The following FSIP2 variants were observed in gnomAD, a reference collection of about 807,000 sequenced individuals.
FSIP2 encodes fibrous sheath interacting protein 2, also known as fibrous sheath-interacting protein 2.
Under a neutral mutation model 510.5 loss-of-function variants are expected in FSIP2, and 367 were observed. The ratio of observed to expected loss-of-function variants is 0.72; its 90% confidence interval spans 0.66 to 0.78. FSIP2 has a LOEUF of 0.78. Among genes scored for constraint, FSIP2 ranks in the 30% least tolerant of loss-of-function variants. FSIP2 has a pLI of 0.00. For synonymous variants in FSIP2, 2,601 were observed against 2,732.2 expected (o/e 0.95, Z 1.50); for missense variants, 7,594 against 7,901.7 (o/e 0.96, Z 1.48).
In FSIP2 at chr2:185,808,339, G is replaced by A. The variant is rs1384970355; in HGVS notation, c.19033G>A (p.Ala6345Thr). The change falls in exon 17 of 23, where the codon GCC becomes ACC. Residue 6345 changes from alanine to threonine, a missense_variant. Ala to Thr is a moderately conservative substitution (Grantham distance 58, BLOSUM62 0). Transcript: ENST00000424728. The stretch of plus-strand genomic sequence containing the variant: ...ATCCAGAAAAGGTTTGACATTAGAT[G>A]CCAAACTTTTAGAAGAGGTGTTGGC... The part of the protein sequence containing the change: ...SSSRKGLTLD[A>T]KLLEEVLALF... 1.2e-6 allele frequency: 2 copies of A among 1,610,808 alleles called. No homozygotes were observed. The highest frequency in any genetic ancestry group is 2.7e-5 in the African/African-American group (2 of 74,880).
chr2:185,796,665 G>C lies in FSIP2; in HGVS notation c.9529G>C (p.Gly3177Arg). ...ATCAAAGTTAAAGGAAGGTAGTTTG[G>C]GGATTAATCCTTCACAAGTGAGTAA... is the stretch of plus-strand genomic sequence containing the variant. ...FTSKLKEGSL[G>R]INPSQVSKTG... is the part of the protein sequence containing the mutation. Residue 3177 changes from glycine (G) to arginine (R), a missense_variant, in exon 16 of 23, where the codon GGG becomes CGG. By Grantham distance (125) the Gly-to-Arg change is moderately radical. Coordinates refer to ENST00000424728, the MANE Select transcript of FSIP2 (RefSeq NM_173651.4). The C allele has an allele frequency of 6.5e-7, 1 of 1,535,044 alleles. No homozygotes were observed. Among genetic ancestry groups the C allele is most frequent in the Non-Finnish European group, 8.7e-7 (1 of 1,146,254 alleles).
chr2:185,739,124 C>A, intron 1 of FSIP2, 131 bp downstream of exon 1: 1 of 1,272,546 alleles, frequency 7.9e-7, no homozygotes, highest in Non-Finnish European at 1.0e-6. Context: ...CCTCTTGCGG[C>A]GCCCGGGGGC....
chr2:185,748,391 CTT>C (rs1356528444), intron 7 of FSIP2, among the ~76,000 whole-genome samples: 1 of 151,828 alleles, frequency 6.6e-6, no homozygotes, highest in African/African-American at 2.4e-5. Context: ...ATTCTCCCAC[CTT>C]GTCCTCCTGA....
intron 13 of FSIP2, among the ~76,000 whole-genome samples, chr2:185,781,144 G>A (rs912569258): frequency 1.3e-5 from 2 of 149,882 alleles, no homozygotes; most frequent in Non-Finnish European, 3.0e-5. Context: ...TACAGTGGTT[G>A]GACTTATGAT....
intron 19 of FSIP2, among the ~76,000 whole-genome samples, chr2:185,815,873 T>G (rs1238842299): frequency 6.6e-6 from 1 of 152,066 alleles, no homozygotes; most frequent in East Asian, 2.0e-4. Flanking sequence ...TCCAAAGGAA[T>G]GAGAAAGAAA....
At position 185,807,184 on chromosome 2, in the gene FSIP2, CGT is replaced by C. The variant is rs1693603101; in HGVS notation, c.17879_17880del (p.Arg5960ProfsTer3). 1 of 1,601,246 alleles carries C rather than the reference CGT, an allele frequency of 6.2e-7. No individual in the cohort carries two copies. The highest frequency in any genetic ancestry group is 1.1e-5 in the South Asian group (1 of 88,244). ...TGCAGTGATAAATGAAATTTTCCAA[CGT>C]CAGGTTAACTTGATATTTTGTGATG... ...TSAVINEIFQ[R>X]QVNLIFCDEV... On this transcript the variant is annotated frameshift_variant, in exon 17 of 23. Transcript: ENST00000424728. LOFTEE classifies it high-confidence loss of function.
At chr2:185,787,470 T>G (rs1038322905) in intron 15 of FSIP2, among the ~76,000 whole-genome samples, 1 of 151,776 alleles carries the variant, frequency 6.6e-6, no homozygotes, top group Non-Finnish European at 1.5e-5. Flanking sequence ...TTTTGGGTGT[T>G]AGCAGCCTAG....
chr2:185,813,150 T>C (rs922422235), intron 17 of FSIP2, among the ~76,000 whole-genome samples: 1 of 152,034 alleles, frequency 6.6e-6, no homozygotes, highest in Admixed American at 6.6e-5. Context: ...TGTTGCCCTT[T>C]TTTCTTGAAA....
chr2:185,789,478 AT>A lies in FSIP2; in HGVS notation c.2345del (p.Leu782CysfsTer9). The part of the protein sequence containing the change: ...EKKCVEMFSQ[D>X]LSVDIKPSLA... ...AAATGTGTTGAGATGTTTTCACAAG[AT>A]TTGTCAGTCGACATTAAACCAAGTT... On this transcript the variant is annotated frameshift_variant, in exon 16 of 23. Transcript: ENST00000424728. LOFTEE classifies it high-confidence loss of function. The A allele has an allele frequency of 6.5e-7, 1 of 1,534,680 alleles. No individual in the cohort carries two copies. Among genetic ancestry groups the A allele is most frequent in the Non-Finnish European group, 8.7e-7 (1 of 1,145,878 alleles).
At chr2:185,741,048 C>A (rs1485039275) in intron 2 of FSIP2, among the ~76,000 whole-genome samples, 1 of 152,098 alleles carries the variant, frequency 6.6e-6, no homozygotes. Context: ...CAACTTGAGT[C>A]ACATCCACAC....
chr2:185,804,929 T>A lies in FSIP2; in HGVS notation c.15623T>A (p.Val5208Glu). ...AAAACATCTGAATTCCAAGCTGAAGTACAAAAAGATGCAGACAAAAAAGGA... is the reference window on the plus strand; with the variant it reads ...AAAACATCTGAATTCCAAGCTGAAGAACAAAAAGATGCAGACAAAAAAGGA... ...ILKTSEFQAE[V>E]QKDADKKGCS... The change falls in exon 17 of 23, where the codon GTA (valine) becomes GAA (glutamate). Residue 5208 changes from valine to glutamate, a missense_variant. Physicochemically the swap from Val to Glu is moderately radical, Grantham distance 121. Transcript: ENST00000424728. 6.6e-7 allele frequency: 1 copy of A among 1,526,694 alleles called. No homozygotes were observed. The highest frequency in any genetic ancestry group is 1.2e-5 in the South Asian group (1 of 82,280). 94.6% of individuals were successfully genotyped at this position (1,526,694 alleles called of 1,614,324 possible).
chr2:185,759,641 TTATATATTA>T (rs1490204633), intron 9 of FSIP2, among the ~76,000 whole-genome samples: 84 of 146,332 alleles, frequency 5.7e-4, no homozygotes, highest in African/African-American at 1.8e-3. Flanking sequence ...AATAATATTG[TTATATATTA>T]TATATATTAT....
Position 185,805,204 on chromosome 2 carries a change from A to G in FSIP2, c.15898A>G (p.Lys5300Glu), listed in dbSNP as rs1444676692. 7 of 1,604,112 alleles carry G rather than the reference A, an allele frequency of 4.4e-6. No individual in the cohort carries two copies. The highest frequency in any genetic ancestry group is 2.7e-5 in the African/African-American group (2 of 74,208). Reference protein sequence around the residue: ...SLLIITEDSKKNEMAELDIMG... With the variant: ...SLLIITEDSKENEMAELDIMG... ...CCTCATTATTACTGAAGATTCTAAG[A>G]AAAATGAAATGGCAGAGCTAGATAT... The change falls in exon 17 of 23, where the codon AAA becomes GAA. Residue 5300 changes from lysine to glutamate, a missense_variant. Transcript: ENST00000424728.
intron 13 of FSIP2, chr2:185,764,806 A>G: frequency 2.4e-6 from 1 of 419,960 alleles, no homozygotes; most frequent in Non-Finnish European, 4.3e-6. Context: ...GGGAAAGAGA[A>G]TGCATAGACC....
Position 185,800,457 on chromosome 2 carries a change from G to C in FSIP2, c.11151G>C (p.Met3717Ile). Residue 3717 changes from methionine (M) to isoleucine (I), a missense_variant, in exon 17 of 23, where the codon ATG (methionine) becomes ATC (isoleucine). Transcript: ENST00000424728. Reference sequence around the variant, plus strand: ...CAGATGAATGCCTAGATACGGGTATGGATTCTGGTAAAATACAAAGAACAT... The same window carrying C: ...CAGATGAATGCCTAGATACGGGTATCGATTCTGGTAAAATACAAAGAACAT... The part of the protein sequence containing the change: ...FSPDECLDTG[M>I]DSGKIQRTYF... The C allele has an allele frequency of 6.5e-7, 1 of 1,531,902 alleles. No individual in the cohort carries two copies. Among genetic ancestry groups the C allele is most frequent in the Non-Finnish European group, 8.7e-7 (1 of 1,144,424 alleles). 94.9% of individuals were successfully genotyped at this position (1,531,902 alleles called of 1,614,324 possible).
intron 3 of FSIP2, among the ~76,000 whole-genome samples, chr2:185,743,758 C>T (rs2105528935): frequency 6.6e-6 from 1 of 152,252 alleles, no homozygotes; most frequent in Admixed American, 6.5e-5. Flanking sequence ...CCAATTACAG[C>T]TAATTGAAAT....
intron 20 of FSIP2, among the ~76,000 whole-genome samples, chr2:185,827,331 G>T (rs1052606712): frequency 6.6e-6 from 1 of 151,716 alleles, no homozygotes; most frequent in Non-Finnish European, 1.5e-5. Flanking sequence ...TTCTTGATGA[G>T]TGTAGCTATA....
chr2:185,802,586 C>T lies in FSIP2; in HGVS notation c.13280C>T (p.Ser4427Leu). 1.3e-6 allele frequency: 2 copies of T among 1,530,788 alleles called. No individual in the cohort carries two copies. The highest frequency in any genetic ancestry group is 1.7e-6 in the Non-Finnish European group (2 of 1,144,526). 94.8% of individuals were successfully genotyped at this position (1,530,788 alleles called of 1,614,324 possible). The change falls in exon 17 of 23, where the codon TCA (serine) becomes TTA (leucine). Residue 4427 changes from serine (S) to leucine (L), a missense_variant. Coordinates refer to ENST00000424728, the MANE Select transcript of FSIP2 (RefSeq NM_173651.4). Reference protein sequence around the residue: ...LLHPLFSGDFSASTYSNSVAE... With the variant: ...LLHPLFSGDFLASTYSNSVAE... Reference sequence around the variant, plus strand: ...CATCCACTGTTTTCTGGGGATTTTTCAGCTTCTACCTATTCTAATTCAGTG... The same window carrying T: ...CATCCACTGTTTTCTGGGGATTTTTTAGCTTCTACCTATTCTAATTCAGTG...
chr2:185,768,563 T>C (rs1399109885), intron 13 of FSIP2, among the ~76,000 whole-genome samples: 1 of 152,174 alleles, frequency 6.6e-6, no homozygotes, highest in Non-Finnish European at 1.5e-5. Flanking sequence ...AATTGGCATA[T>C]AGTTATTTTC....
Sources: allele counts gnomAD v4.1 joint callset (sites outside exome capture counted in the v4.1 genomes callset), GRCh38; gene constraint gnomAD v4.1.1; transcripts MANE v1.5; gene names NCBI Gene and HGNC (gene_info 2026-07-23, HGNC 2026-07-21).